The following PCDHGA5 variants were observed in gnomAD, a reference collection of about 807,000 sequenced individuals.
PCDHGA5 encodes protocadherin gamma subfamily A, 5.
PCDHGA5 carries 36 observed loss-of-function variants against 56.7 expected under a neutral mutation model. The ratio of observed to expected loss-of-function variants is 0.64; its 90% confidence interval spans 0.49 to 0.84. PCDHGA5 has a LOEUF of 0.84. PCDHGA5 is among the 40% of genes least tolerant of loss of function. PCDHGA5 has a pLI of 0.00. For missense variants in PCDHGA5, 1,305 were observed against 1,201.5 expected, an observed-to-expected ratio of 1.09 and a Z score of -1.27; for synonymous variants, 563 against 520.2, an observed-to-expected ratio of 1.08 and a Z score of -1.12.
intron 1 of PCDHGA5, chr5:141,417,532 TA>T (rs1457524771): frequency 6.7e-5 from 19 of 284,780 alleles, no homozygotes; most frequent in South Asian, 1.5e-4. Context: ...ACTCGTAGTT[TA>T]AAAAAAATTC....
At chr5:141,389,988 C>T (rs1348283803) in intron 1 of PCDHGA5, 7 of 1,613,918 alleles carry the variant, frequency 4.3e-6, no homozygotes, top group Non-Finnish European at 5.9e-6. Context: ...AGTGCTCTTC[C>T]TCGTGGCCAT....
chr5:141,409,441 G>A (rs1432743588), intron 1 of PCDHGA5: 1 of 1,613,884 alleles, frequency 6.2e-7, no homozygotes, highest in Admixed American at 1.7e-5. Context: ...TGGACCGAGA[G>A]CAGACACCAG....
Position 141,365,983 on chromosome 5 carries a change from T to C in PCDHGA5, c.1653T>C (p.Phe551=), listed in dbSNP as rs954488135. ...GCAGCAACGTGTCGCTGAGCCTGTT[T>C]GTGCTGGACCAGAACGACAATACGC... ...PLSSNVSLSL[F]VLDQNDNTPE... The change falls in exon 1 of 4, where the codon TTT becomes TTC. Residue 551 remains phenylalanine, a synonymous_variant. Transcript: ENST00000518069. 1.2e-6 allele frequency: 2 copies of C among 1,614,234 alleles called. No homozygotes were observed. The highest frequency in any genetic ancestry group is 2.2e-5 in the South Asian group (2 of 91,090).
In PCDHGA5 at chr5:141,418,047, C is replaced by G. The variant is rs968352679; in HGVS notation, c.2421+51296C>G. The G allele has an allele frequency of 6.2e-6, 10 of 1,613,894 alleles. No individual in the cohort carries two copies. The highest frequency in any genetic ancestry group is 1.6e-4 in the Middle Eastern group (1 of 6,076). ...GGGCTTAGTGTCCTGGATGTGTCGG[C>G]TCGCGAGCTGCGAGTGAGCGCGGAG... On this transcript the variant is annotated intron_variant, in intron 1 of 3. Transcript: ENST00000518069.
chr5:141,423,564 G>A (rs2096754933), intron 1 of PCDHGA5: 2 of 1,613,444 alleles, frequency 1.2e-6, no homozygotes, highest in Non-Finnish European at 1.7e-6. Context: ...ATGGGGACAC[G>A]CTCATCAGCC....
rs376892761 is a variant in PCDHGA5, at chr5:141,375,904, C to T, written c.2421+9153C>T. On this transcript the variant is annotated intron_variant, in intron 1 of 3. Transcript: ENST00000518069. ...GCCAGAACGCCTGGCTGTCCTACCG[C>T]CTGCTCAAGGCCAGCGAGCCAGGAC... The T allele has an allele frequency of 2.5e-5, 41 of 1,613,756 alleles. No homozygotes were observed. In the South Asian group the frequency reaches 2.6e-4, roughly 10 times the overall value.
chr5:141,375,588 C>A, intron 1 of PCDHGA5: 1 of 1,614,180 alleles, frequency 6.2e-7, no homozygotes, highest in Non-Finnish European at 8.5e-7. Context: ...GCGCCCCTGT[C>A]CTCCTACGTG....
chr5:141,476,083 T>C lies in PCDHGA5; in HGVS notation c.2422-18724T>C. 1 of 1,547,886 alleles carries C rather than the reference T, an allele frequency of 6.5e-7. No homozygotes were observed. The highest frequency in any genetic ancestry group is 8.7e-7 in the Non-Finnish European group (1 of 1,153,242). The stretch of plus-strand genomic sequence containing the variant: ...TCTCAGCGAAATCTCAGGGACGATC[T>C]GGACCCCGCTGAGAGGAACTGCTTT... On this transcript the variant is annotated intron_variant, in intron 1 of 3. Coordinates refer to ENST00000518069, the MANE Select transcript of PCDHGA5 (RefSeq NM_018918.3). This position sits in a 1 kb window ranked among gnomAD's most constrained non-coding sequence, Gnocchi z 7.6.
rs781346812 is a variant in PCDHGA5, at chr5:141,489,773, T to A, written c.2422-5034T>A. 6.2e-7 allele frequency: 1 copy of A among 1,614,102 alleles called. No individual in the cohort carries two copies. The highest frequency in any genetic ancestry group is 8.5e-7 in the Non-Finnish European group (1 of 1,179,984). ...TACACTCTAAGCCCCAACAGCCACT[T>A]CTCTCTGAATGTGAAGACCCTAAAA... is the stretch of plus-strand genomic sequence containing the variant. On this transcript the variant is annotated intron_variant, in intron 1 of 3. Transcript: ENST00000518069. The surrounding 1 kb of genome is among the most constrained non-coding windows in gnomAD (Gnocchi z 4.5).
intron 1 of PCDHGA5, chr5:141,389,392 T>C (rs1258153986): frequency 1.9e-6 from 3 of 1,613,686 alleles, no homozygotes; most frequent in Non-Finnish European, 2.5e-6. Flanking sequence ...TCATCCTACG[T>C]GTCCATAAGC....
Position 141,376,444 on chromosome 5 carries a change from A to G in PCDHGA5, c.2421+9693A>G, listed in dbSNP as rs755915739. On this transcript the variant is annotated intron_variant, in intron 1 of 3. Coordinates refer to ENST00000518069, the MANE Select transcript of PCDHGA5 (RefSeq NM_018918.3). Reference sequence around the variant, plus strand: ...TTATCAACCAGGAGAGCTATGAGAAAAGCGAGCCTCTTCTGATAACTCAGG... The same window carrying G: ...TTATCAACCAGGAGAGCTATGAGAAGAGCGAGCCTCTTCTGATAACTCAGG... 3.1e-6 allele frequency: 5 copies of G among 1,614,096 alleles called. No homozygotes were observed. The East Asian group carries it at 8.9e-5, about 29-fold the overall frequency.
intron 1 of PCDHGA5, chr5:141,428,269 C>T (rs1326212294): frequency 1.3e-6 from 1 of 777,738 alleles, no homozygotes; most frequent in Non-Finnish European, 2.2e-6. Flanking sequence ...CAGTCCTGTG[C>T]CCTCTGATTC....
intron 1 of PCDHGA5, among the ~76,000 whole-genome samples, chr5:141,434,448 G>A (rs2097694852): frequency 6.6e-6 from 1 of 152,210 alleles, no homozygotes; most frequent in Non-Finnish European, 1.5e-5. Context: ...CATGCTGGAA[G>A]GTAGTGGGTT....
chr5:141,371,455 A>G (rs1030277886), intron 1 of PCDHGA5: 3 of 1,613,904 alleles, frequency 1.9e-6, no homozygotes, highest in Non-Finnish European at 2.5e-6. Context: ...TCTGAATCCC[A>G]ACATATACAA....
intron 1 of PCDHGA5, chr5:141,478,242 T>C (rs750487479): frequency 6.2e-7 from 1 of 1,614,156 alleles, no homozygotes; most frequent in Admixed American, 1.7e-5. Context: ...GTGGTCACAG[T>C]GTTCGGAGTA....
chr5:141,505,509 G>A (rs778054090), intron 3 of PCDHGA5, 28 bp downstream of exon 3: 1 of 1,613,940 alleles, frequency 6.2e-7, no homozygotes, highest in Non-Finnish European at 8.5e-7. Context: ...GTGTATGGAA[G>A]AGTGGGAGAC....
intron 1 of PCDHGA5, chr5:141,400,123 G>T: frequency 6.2e-7 from 1 of 1,614,082 alleles, no homozygotes; most frequent in Non-Finnish European, 8.5e-7. Flanking sequence ...CAGCTTGCAG[G>T]AGGTGCTGCC....
In PCDHGA5 at chr5:141,365,548, A is replaced by G; in HGVS notation, c.1218A>G (p.Thr406=). The G allele has an allele frequency of 6.2e-7, 1 of 1,613,806 alleles. No individual in the cohort carries two copies. The highest frequency in any genetic ancestry group is 8.5e-7 in the Non-Finnish European group (1 of 1,179,898). ...TTGATAATTACTATCACCTATTAAC[A>G]ACTAGGGACCTGGACAGAGAAGAGA... ...KSVDNYYHLL[T]TRDLDREETS... is the part of the protein sequence containing the mutation. Residue 406 remains threonine, a synonymous_variant, in exon 1 of 4, where the codon ACA becomes ACG. Transcript: ENST00000518069.
In PCDHGA5 at chr5:141,385,618, A is replaced by C. The variant is rs1174442072; in HGVS notation, c.2421+18867A>C. 7.5e-6 allele frequency: 8 copies of C among 1,062,366 alleles called. No individual in the cohort carries two copies. The East Asian group carries it at 3.6e-4, about 48-fold the overall frequency. The allele number at this position is 1,062,366 out of a possible 1,614,324, so 65.8% of individuals were successfully genotyped here. A position where few individuals can be genotyped will look rare whatever the true frequency, so the allele number is the denominator to read the frequency against. On this transcript the variant is annotated intron_variant, in intron 1 of 3. Coordinates refer to ENST00000518069, the MANE Select transcript of PCDHGA5 (RefSeq NM_018918.3). ...CTTTCTTAACTCATATATTTTATAC[A>C]TTGGAATGAATCGAGTCTTTCATAT...
Sources: allele counts gnomAD v4.1 joint callset (sites outside exome capture counted in the v4.1 genomes callset), GRCh38; gene constraint gnomAD v4.1.1; non-coding constraint Gnocchi (gnomAD v3.1); transcripts MANE v1.5; gene names NCBI Gene and HGNC (gene_info 2026-07-23, HGNC 2026-07-21).